The following DCAF17 variants were observed in gnomAD, a reference collection of about 807,000 sequenced individuals.
The protein encoded by DCAF17 is DDB1- and CUL4-associated factor 17.
Under a neutral mutation model 66.0 loss-of-function variants are expected in DCAF17, and 48 were observed. The observed-to-expected ratio is 0.73, with a 90% CI of 0.58 to 0.92. The LOEUF is 0.92. DCAF17 is among the 40% of genes least tolerant of loss of function. The pLI, the probability that DCAF17 is intolerant of heterozygous loss-of-function variation, is 0.00. For missense variants in DCAF17, 562 were observed against 622.8 expected (o/e 0.90, Z 1.04); for synonymous variants, 206 against 214.6 (o/e 0.96, Z 0.35).
At position 171,448,749 on chromosome 2, in the gene DCAF17, A is replaced by G; in HGVS notation, c.390A>G (p.Leu130=). 1 of 1,613,218 alleles carries G rather than the reference A, an allele frequency of 6.2e-7. No homozygotes were observed. Among genetic ancestry groups the G allele is most frequent in the Non-Finnish European group, 8.5e-7 (1 of 1,179,556 alleles). ...TAGCACTGACTGCTCATAATTGGCT[A>G]CTTCGTATATCAGCAACTACGGGAA... ...SLIALTAHNW[L]LRISATTGKI... Residue 130 remains leucine (L), a synonymous_variant, in exon 4 of 14, where the codon CTA becomes CTG. Transcript: ENST00000375255.
chr2:171,479,956 T>C, intron 12 of DCAF17, 82 bp from the exon 13 acceptor site: 7 of 1,497,496 alleles, frequency 4.7e-6, no homozygotes, highest in Non-Finnish European at 6.4e-6. Context: ...AATAGAATAC[T>C]TAAACTATAA....
At chr2:171,457,900 A>G in intron 6 of DCAF17, 71 bp from the exon 7 acceptor site, 1 of 1,190,544 alleles carries the variant, frequency 8.4e-7, no homozygotes, top group Non-Finnish European at 1.3e-6. Flanking sequence ...AAGAGTACAA[A>G]CCACTGTGAA....
chr2:171,479,907 C>A (rs1028494440), intron 12 of DCAF17, 131 bp from the exon 13 acceptor site: 7 of 996,046 alleles, frequency 7.0e-6, no homozygotes, highest in African/African-American at 1.6e-5. Flanking sequence ...ACCTATTATT[C>A]TTCCCATTCA....
At chr2:171,467,740 A>G (rs890315704) in intron 8 of DCAF17, among the ~76,000 whole-genome samples, 1 of 150,970 alleles carries the variant, frequency 6.6e-6, no homozygotes, top group Non-Finnish European at 1.5e-5. Flanking sequence ...AAAAAAAAAA[A>G]AAAAAAAAAA....
chr2:171,435,691 C>G (rs1359840611), intron 2 of DCAF17, among the ~76,000 whole-genome samples: 1 of 152,090 alleles, frequency 6.6e-6, no homozygotes, highest in African/African-American at 2.4e-5. Flanking sequence ...ACTCATTACC[C>G]AGATTCAAAA....
intron 8 of DCAF17, among the ~76,000 whole-genome samples, chr2:171,463,209 G>A (rs943830984): frequency 6.7e-6 from 1 of 148,178 alleles, no homozygotes; most frequent in African/African-American, 2.5e-5. Flanking sequence ...CAGCCTGGGC[G>A]ATGGAGCGAG....
Position 171,450,723 on chromosome 2 carries a change from A to G in DCAF17, c.537+766A>G, listed in dbSNP as rs895541820. Among the ~76,000 whole-genome samples the G allele has an allele frequency of 2.0e-5, 3 of 152,124 alleles. No homozygotes were observed. The East Asian group carries it at 5.8e-4, about 29-fold the overall frequency. The stretch of plus-strand genomic sequence containing the variant: ...TAGTTCTTTCTCATTTTTAATTTGA[A>G]CTACTTCAGCTGTTTCTCACTAGTG... On this transcript the variant is annotated intron_variant, in intron 5 of 13. Coordinates refer to ENST00000375255, the MANE Select transcript of DCAF17 (RefSeq NM_025000.4).
Position 171,482,480 on chromosome 2 carries a change from A to T in DCAF17, c.*1366A>T, listed in dbSNP as rs1407164841. ...AATTAGACACTAGCTGTATCTAAAT[A>T]GTCCCACTCAGTAAACTTACATCTT... is the stretch of plus-strand genomic sequence containing the variant. On this transcript the variant is annotated 3_prime_UTR_variant, in exon 14 of 14. Coordinates refer to ENST00000375255, the MANE Select transcript of DCAF17 (RefSeq NM_025000.4). The T allele has an allele frequency of 4.4e-6, 2 of 453,972 alleles. No individual in the cohort carries two copies. Among genetic ancestry groups the T allele is most frequent in the African/African-American group, 4.0e-5 (2 of 49,990 alleles). The allele number at this position is 453,972 out of a possible 1,614,324, so 28.1% of individuals were successfully genotyped here.
intron 8 of DCAF17, among the ~76,000 whole-genome samples, chr2:171,459,299 C>T (rs909370593): frequency 4.6e-5 from 7 of 151,760 alleles, no homozygotes; most frequent in East Asian, 3.9e-4. Flanking sequence ...GCAACAAGAG[C>T]GAAACTCCAT....
chr2:171,439,748 C>T (rs866020957), intron 2 of DCAF17, among the ~76,000 whole-genome samples: 5 of 151,570 alleles, frequency 3.3e-5, no homozygotes, highest in Middle Eastern at 3.4e-3. Flanking sequence ...GCCAACATGG[C>T]GAAACCCCAT....
chr2:171,435,988 TACC>T (rs1330585606), intron 2 of DCAF17, among the ~76,000 whole-genome samples: 1 of 152,214 alleles, frequency 6.6e-6, no homozygotes, highest in African/African-American at 2.4e-5. Flanking sequence ...GTCACCTCAG[TACC>T]ACCATTACCC....
chr2:171,480,897 G>A, intron 13 of DCAF17, 77 bp from the exon 14 acceptor site: 1 of 1,541,374 alleles, frequency 6.5e-7, no homozygotes, highest in Non-Finnish European at 9.0e-7. Context: ...CCTAGCATAG[G>A]TACTGTGACA....
intron 8 of DCAF17, among the ~76,000 whole-genome samples, chr2:171,460,933 T>TA (rs772064673): frequency 4.6e-5 from 7 of 151,376 alleles, no homozygotes; most frequent in South Asian, 2.1e-4. Context: ...TTTGTCATTG[T>TA]AAAAAAAAAT....
chr2:171,468,800 C>T (rs770724186), intron 8 of DCAF17, 88 bp from the exon 9 acceptor site: 9 of 1,498,512 alleles, frequency 6.0e-6, no homozygotes, highest in Non-Finnish European at 8.4e-6. Context: ...ATAGATGTTG[C>T]ATGCAAAGAA....
Position 171,481,846 on chromosome 2 carries a change from T to G in DCAF17, c.*732T>G. 1 of 453,878 alleles carries G rather than the reference T, an allele frequency of 2.2e-6. No homozygotes were observed. Among genetic ancestry groups the G allele is most frequent in the Non-Finnish European group, 4.4e-6 (1 of 226,688 alleles). The allele number at this position is 453,878 out of a possible 1,614,324, so 28.1% of individuals were successfully genotyped here. On this transcript the variant is annotated 3_prime_UTR_variant, in exon 14 of 14. Coordinates refer to ENST00000375255, the MANE Select transcript of DCAF17 (RefSeq NM_025000.4). ...GATTTGCATCCTGTTTAGCTCTTAA[T>G]GTATCTAAGGATGTTCTCATCTCAC...
intron 6 of DCAF17, among the ~76,000 whole-genome samples, chr2:171,454,973 T>G (rs900055930): frequency 2.7e-5 from 4 of 150,778 alleles, no homozygotes; most frequent in African/African-American, 9.7e-5. Context: ...TATATTTTCT[T>G]TTTTTTTTAA....
intron 2 of DCAF17, among the ~76,000 whole-genome samples, chr2:171,442,580 AAAAG>A (rs1420815797): frequency 3.6e-4 from 54 of 150,004 alleles, no homozygotes; most frequent in African/African-American, 1.0e-3. Context: ...AAAAAAAAAA[AAAAG>A]AAAGAAAGAA....
chr2:171,483,494 A>G lies in DCAF17; in HGVS notation c.*2380A>G, dbSNP rs553179661. On this transcript the variant is annotated 3_prime_UTR_variant, in exon 14 of 14. Transcript: ENST00000375255. The stretch of plus-strand genomic sequence containing the variant: ...AATGCAGCAAGCTTATTGTTCCTCA[A>G]TTTTTTACAATATTTATCACAACTC... 6.2e-5 allele frequency: 28 copies of G among 454,070 alleles called. No homozygotes were observed. Among genetic ancestry groups the G allele is most frequent in the African/African-American group, 3.6e-4 (18 of 50,118 alleles). The allele number at this position is 454,070 out of a possible 1,614,324, so 28.1% of individuals were successfully genotyped here. A position where few individuals can be genotyped will look rare whatever the true frequency, so the allele number is the denominator to read the frequency against.
At chr2:171,446,159 TTTCTC>T (rs1458531998) in intron 3 of DCAF17, among the ~76,000 whole-genome samples, 23 of 152,334 alleles carry the variant, frequency 1.5e-4, no homozygotes, top group African/African-American at 5.3e-4. Context: ...CATTGTTTGT[TTTCTC>T]TTCTTTTAAA....
Sources: allele counts gnomAD v4.1 joint callset (sites outside exome capture counted in the v4.1 genomes callset), GRCh38; gene constraint gnomAD v4.1.1; transcripts MANE v1.5; gene names NCBI Gene and HGNC (gene_info 2026-07-23, HGNC 2026-07-21).